IER3IP1: variants seen among roughly 807,000 people sequenced by gnomAD.
IER3IP1 encodes immediate early response 3-interacting protein 1.
In IER3IP1, 16 loss-of-function variants were observed where a neutral mutation model predicts 12.2. The observed-to-expected ratio is 1.31, with a 90% CI of 0.89 to 1.99. The LOEUF (loss-of-function observed/expected upper bound fraction) is 1.99, where lower values mean the gene tolerates loss of function less well. Among genes scored for constraint, IER3IP1 ranks in the 30% most tolerant of loss-of-function variants. The pLI is 0.00. For missense variants in IER3IP1, 95 were observed against 95.8 expected (o/e 0.99, Z 0.03); for synonymous variants, 42 against 40.0 (o/e 1.05, Z -0.19).
chr18:47,157,578 C>T, intron 1 of IER3IP1, 41 bp from the exon 2 acceptor site: 1 of 1,538,302 alleles, frequency 6.5e-7, no homozygotes. Flanking sequence ...AGTTATTACA[C>T]ACTTGCCTTC....
At chr18:47,168,197 C>A (rs1338155756) in intron 1 of IER3IP1, among the ~76,000 whole-genome samples, 1 of 137,696 alleles carries the variant, frequency 7.3e-6, no homozygotes, top group Non-Finnish European at 1.5e-5. Context: ...CCCAGCTATT[C>A]GGCAGGCTGA....
chr18:47,165,434 T>C (rs1290364110), intron 1 of IER3IP1, among the ~76,000 whole-genome samples: 1 of 151,846 alleles, frequency 6.6e-6, no homozygotes, highest in Non-Finnish European at 1.5e-5. Context: ...GTGCCTGTAA[T>C]CTCAGCTACA....
intron 2 of IER3IP1, among the ~76,000 whole-genome samples, chr18:47,156,585 T>C (rs547194861): frequency 2.5e-4 from 38 of 152,172 alleles, no homozygotes; most frequent in Non-Finnish European, 5.1e-4. Flanking sequence ...ATATAGTGCA[T>C]AGAAGATTCT....
intron 1 of IER3IP1, among the ~76,000 whole-genome samples, chr18:47,175,462 TTTTG>T (rs2064029244): frequency 5.5e-4 from 1 of 1,824 alleles, no homozygotes; most frequent in South Asian, 0.02. Context: ...ACTCGTTTTG[TTTTG>T]TTTGTTTTGT....
intron 1 of IER3IP1, among the ~76,000 whole-genome samples, chr18:47,161,114 T>TA (rs1464355810): frequency 6.6e-6 from 1 of 152,188 alleles, no homozygotes; most frequent in African/African-American, 2.4e-5. Context: ...CGCTAACCCT[T>TA]AAACTTGAAG....
chr18:47,163,515 T>C (rs1428202989), intron 1 of IER3IP1, among the ~76,000 whole-genome samples: 3 of 152,226 alleles, frequency 2.0e-5, no homozygotes, highest in Non-Finnish European at 4.4e-5. Context: ...ATTGACTGCA[T>C]GTAACTGAAA....
chr18:47,175,837 T>C (rs2064031203), intron 1 of IER3IP1, among the ~76,000 whole-genome samples: 1 of 151,670 alleles, frequency 6.6e-6, no homozygotes, highest in Admixed American at 6.6e-5. Context: ...ACCGCGACAC[T>C]GCACTTCAGC....
At chr18:47,175,961 C>T (rs943073211) in intron 1 of IER3IP1, among the ~76,000 whole-genome samples, 1 of 152,104 alleles carries the variant, frequency 6.6e-6, no homozygotes, top group Non-Finnish European at 1.5e-5. Flanking sequence ...ACTTCTATAT[C>T]CCTCCACCCC....
intron 1 of IER3IP1, among the ~76,000 whole-genome samples, chr18:47,171,525 A>G (rs903566269): frequency 6.6e-6 from 1 of 152,188 alleles, no homozygotes; most frequent in South Asian, 2.1e-4. Context: ...ATTATTCATT[A>G]TCTCTCTTTG....
intron 1 of IER3IP1, among the ~76,000 whole-genome samples, chr18:47,159,420 C>A (rs568386279): frequency 1.3e-5 from 2 of 152,258 alleles, no homozygotes; most frequent in South Asian, 4.1e-4. Context: ...ATGCACAATG[C>A]CTAAACACAA....
chr18:47,158,348 A>G (rs2063968198), intron 1 of IER3IP1, among the ~76,000 whole-genome samples: 1 of 151,868 alleles, frequency 6.6e-6, no homozygotes, highest in Non-Finnish European at 1.5e-5. Context: ...TTAAATTGAG[A>G]CAAGGTTTTA....
chr18:47,175,717 T>C (rs543235532), intron 1 of IER3IP1, among the ~76,000 whole-genome samples: 24 of 152,180 alleles, frequency 1.6e-4, no homozygotes, highest in South Asian at 1.0e-3. Flanking sequence ...GGCCTCGGCC[T>C]GCCAAAGTGC....
At chr18:47,168,458 TGAAG>T (rs1283793983) in intron 1 of IER3IP1, among the ~76,000 whole-genome samples, 2 of 152,160 alleles carry the variant, frequency 1.3e-5, no homozygotes, top group Non-Finnish European at 2.9e-5. Context: ...TTCAAAACCA[TGAAG>T]GAAGATAGCA....
intron 1 of IER3IP1, among the ~76,000 whole-genome samples, chr18:47,163,257 T>C (rs568855971): frequency 4.2e-4 from 64 of 152,238 alleles, no homozygotes; most frequent in Middle Eastern, 6.8e-3. Flanking sequence ...AAAATAAGGG[T>C]TAAACATAAG....
intron 1 of IER3IP1, among the ~76,000 whole-genome samples, chr18:47,158,527 A>G (rs1023161797): frequency 1.3e-4 from 19 of 151,888 alleles, no homozygotes; most frequent in African/African-American, 4.3e-4. Flanking sequence ...TTTTTAGTAC[A>G]GATGGGGTTT....
At chr18:47,156,790 G>GTTTTTTTTTTTTTTTTTTTTTTTTTTTGT (rs34039061) in intron 2 of IER3IP1, 1 of 102,916 alleles carries the variant, frequency 9.7e-6, no homozygotes. Context: ...TTCTTTTCTG[G>GTTTTTTTTTTTTTTTTTTTTTTTTTTTGT]TTTTTTTTTT....
In IER3IP1 at chr18:47,153,585, C is replaced by G. The variant is rs1205760832; in HGVS notation, c.*2592G>C. ...ATAGCCCCCAGTGTCTGTTGTCCCCCTCCTTATGTCCATGAGGTCTTATCA... is the reference window on the plus strand; with the variant it reads ...ATAGCCCCCAGTGTCTGTTGTCCCCGTCCTTATGTCCATGAGGTCTTATCA... On this transcript the variant is annotated 3_prime_UTR_variant, in exon 3 of 3. Transcript: ENST00000256433. 1.3e-5 allele frequency: 2 copies of G among 151,944 alleles called. No homozygotes were observed. The highest frequency in any genetic ancestry group is 4.8e-5 in the African/African-American group (2 of 41,346). 9.4% of individuals were successfully genotyped at this position (151,944 alleles called of 1,614,324 possible). A position where few individuals can be genotyped will look rare whatever the true frequency, so the allele number is the denominator to read the frequency against.
intron 1 of IER3IP1, among the ~76,000 whole-genome samples, chr18:47,163,010 TC>T (rs1441543724): frequency 2.6e-5 from 4 of 151,618 alleles, no homozygotes; most frequent in Non-Finnish European, 4.4e-5. Context: ...TGTACAGTAA[TC>T]CCCCCTTATC....
At chr18:47,168,154 AAT>A (rs1471915122) in intron 1 of IER3IP1, among the ~76,000 whole-genome samples, 1,554 of 122,748 alleles carry the variant, frequency 0.013, 407 homozygotes, top group East Asian at 0.038. Context: ...AAAAAAAAAA[AAT>A]TTTAGCTAGG....
Sources: gnomAD v4.1 joint callset for allele counts (sites outside exome capture counted in the v4.1 genomes callset) on GRCh38, gnomAD v4.1.1 for gene constraint, MANE v1.5 for transcripts, NCBI Gene and HGNC (gene_info 2026-07-23, HGNC 2026-07-21) for gene names.